The following SLC12A3 variants were observed in gnomAD, a reference collection of about 807,000 sequenced individuals.
SLC12A3 encodes the protein solute carrier family 12 member 3.
Under a neutral mutation model 121.0 loss-of-function variants are expected in SLC12A3, and 104 were observed. The observed-to-expected ratio is 0.86, with a 90% CI of 0.73 to 1.01. The LOEUF (loss-of-function observed/expected upper bound fraction) is 1.01, where lower values mean the gene tolerates loss of function less well. SLC12A3 is among the 50% of genes least tolerant of loss of function. The pLI is 0.00. For missense variants in SLC12A3, 1,328 were observed against 1,356.3 expected (o/e 0.98, Z 0.33); for synonymous variants, 536 against 533.4 (o/e 1.00, Z -0.07).
chr16:56,877,692 G>A lies in SLC12A3; in HGVS notation c.1096-385G>A, dbSNP rs927725396. Among the ~76,000 whole-genome samples the A allele has an allele frequency of 6.6e-5, 10 of 152,288 alleles. No homozygotes were observed. The East Asian group carries it at 1.5e-3, about 24-fold the overall frequency. ...CAGCTGGCCGCCTGGAAGTGAACCCGGGCAGGCCGACTCCAGAGCCCACCA... is the reference window on the plus strand; with the variant it reads ...CAGCTGGCCGCCTGGAAGTGAACCCAGGCAGGCCGACTCCAGAGCCCACCA... On this transcript the variant is annotated intron_variant, in intron 8 of 25. Transcript: ENST00000563236.
At chr16:56,909,072 T>C (rs1415307521) in intron 25 of SLC12A3, among the ~76,000 whole-genome samples, 1 of 152,228 alleles carries the variant, frequency 6.6e-6, no homozygotes, top group Non-Finnish European at 1.5e-5. Context: ...ATTTCCAAGA[T>C]TCTCTTTCAT....
chr16:56,881,075 A>G (rs566336263), intron 12 of SLC12A3, among the ~76,000 whole-genome samples: 2 of 152,310 alleles, frequency 1.3e-5, no homozygotes, highest in African/African-American at 4.8e-5. Flanking sequence ...CACACCAAGC[A>G]CGGGCAGTGG....
rs1158199707 is a variant in SLC12A3 at position 56,908,836 on chromosome 16, G to C, written c.2924+4374G>C. ...GGGTGAGCGCTGGGTCCGAGCGCAAGACAGTGGAAATGGCTTTGTCCTGGG... is the reference window on the plus strand; with the variant it reads ...GGGTGAGCGCTGGGTCCGAGCGCAACACAGTGGAAATGGCTTTGTCCTGGG... On this transcript the variant is annotated intron_variant, in intron 25 of 25. Transcript: ENST00000563236. 2.6e-5 allele frequency among the ~76,000 whole-genome samples: 4 copies of C among 152,372 alleles called. No individual in the cohort carries two copies. In the East Asian group the frequency reaches 7.7e-4, roughly 29 times the overall value.
At position 56,887,293 on chromosome 16, in the gene SLC12A3, C is replaced by T. The variant is rs1264939633; in HGVS notation, c.2178+200C>T. Among the ~76,000 whole-genome samples, 6 of 152,078 alleles carry T rather than the reference C, an allele frequency of 3.9e-5. No individual in the cohort carries two copies. In the East Asian group the frequency reaches 1.2e-3, roughly 29 times the overall value. ...GTCAGCTCACTGCAATAACCTCCGC[C>T]TCCCGGGTTCAAGTGATTCTCCTGC... On this transcript the variant is annotated intron_variant, in intron 17 of 25. Transcript: ENST00000563236.
In SLC12A3 at chr16:56,899,542, G is replaced by A. The variant is rs764749297; in HGVS notation, c.2646G>A (p.Leu882=). Residue 882 remains leucine (L), a synonymous_variant, in exon 23 of 26, where the codon CTG becomes CTA. Coordinates refer to ENST00000563236, the MANE Select transcript of SLC12A3 (RefSeq NM_001126108.2). The part of the protein sequence containing the change: ...MDQERKAIIS[L]LSKFRLGFHE... Reference sequence around the variant, plus strand: ...ATGTGTCCTCCAGGATCATTTCTCTGCTGAGCAAGTTCCGACTGGGATTCC... The same window carrying A: ...ATGTGTCCTCCAGGATCATTTCTCTACTGAGCAAGTTCCGACTGGGATTCC... 1 of 1,613,708 alleles carries A rather than the reference G, an allele frequency of 6.2e-7. No individual in the cohort carries two copies. The highest frequency in any genetic ancestry group is 8.5e-7 in the Non-Finnish European group (1 of 1,179,614).
chr16:56,897,089 C>T (rs1490968324), intron 22 of SLC12A3, among the ~76,000 whole-genome samples: 1 of 127,578 alleles, frequency 7.8e-6, no homozygotes, highest in Non-Finnish European at 1.5e-5. Flanking sequence ...AAGACTCCAT[C>T]TCAAAAAAAA....
At chr16:56,873,023 C>A (rs1261430700) in intron 8 of SLC12A3, among the ~76,000 whole-genome samples, 1 of 150,072 alleles carries the variant, frequency 6.7e-6, no homozygotes, top group Non-Finnish European at 1.5e-5. Flanking sequence ...GGCTAGGTTC[C>A]TCCCTAGTTC....
chr16:56,878,037 T>TCCCTCCCTCCCTCCCTCCCTCTCG, intron 8 of SLC12A3, 40 bp from the exon 9 acceptor site: 1 of 421,396 alleles, frequency 2.4e-6, no homozygotes, highest in Admixed American at 3.2e-5. Context: ...CCTCCCTCTC[T>TCCCTCCCTCCCTCCCTCCCTCTCG]CCCTCCCTCC....
rs544706063 is a variant in SLC12A3 at position 56,894,446 on chromosome 16, C to T, written c.2522-85C>T. 2.4e-5 allele frequency: 22 copies of T among 935,442 alleles called. No homozygotes were observed. In the African/African-American group the frequency reaches 3.6e-4, roughly 15 times the overall value. 57.9% of individuals were successfully genotyped at this position (935,442 alleles called of 1,614,324 possible). On this transcript the variant is annotated intron_variant, in intron 21 of 25. Transcript: ENST00000563236. ...TCCAGCGAGGAGAGGAAGGGGTTTG[C>T]TAATGGCAGAGCGGGGCAGGAACTC...
chr16:56,882,185 T>C (rs1208300869), intron 12 of SLC12A3, among the ~76,000 whole-genome samples: 2 of 152,170 alleles, frequency 1.3e-5, no homozygotes, highest in African/African-American at 2.4e-5. Flanking sequence ...AGCTGGGCGC[T>C]TACAGTTTAC....
intron 8 of SLC12A3, among the ~76,000 whole-genome samples, chr16:56,877,840 C>T (rs1180123591): frequency 7.2e-5 from 11 of 152,218 alleles, no homozygotes; most frequent in African/African-American, 2.7e-4. Flanking sequence ...GTGGAGTCTC[C>T]GACCCGTGAT....
intron 21 of SLC12A3, among the ~76,000 whole-genome samples, chr16:56,893,264 A>G (rs1319799226): frequency 6.6e-6 from 1 of 152,236 alleles, no homozygotes; most frequent in Non-Finnish European, 1.5e-5. Flanking sequence ...TGAAGTCGCC[A>G]TGAGATGGAA....
In SLC12A3 at chr16:56,914,962, GA is replaced by G. The variant is rs1255563758; in HGVS notation, c.*1558del. On this transcript the variant is annotated 3_prime_UTR_variant, in exon 26 of 26. Coordinates refer to ENST00000563236, the MANE Select transcript of SLC12A3 (RefSeq NM_001126108.2). ...GGGGCTGGCAGGGAGGGGCTGTTAA[GA>G]GTGGGGTTGGAGGTGGGAGAGAAGC... 1.3e-5 allele frequency: 2 copies of G among 152,250 alleles called. No individual in the cohort carries two copies. Among genetic ancestry groups the G allele is most frequent in the African/African-American group, 4.8e-5 (2 of 41,336 alleles). 9.4% of individuals were successfully genotyped at this position (152,250 alleles called of 1,614,324 possible). A position where few individuals can be genotyped will look rare whatever the true frequency, so the allele number is the denominator to read the frequency against.
intron 25 of SLC12A3, among the ~76,000 whole-genome samples, chr16:56,912,729 A>G (rs2144791725): frequency 6.6e-6 from 1 of 152,302 alleles, no homozygotes; most frequent in South Asian, 2.1e-4. Flanking sequence ...CATAAATCAG[A>G]AGATGCTGTT....
rs772518189 is a variant in SLC12A3, at chr16:56,868,281, C to A, written c.430-16C>A. On this transcript the variant is annotated splice_polypyrimidine_tract_variant and intron_variant, in intron 2 of 25. Coordinates refer to ENST00000563236, the MANE Select transcript of SLC12A3 (RefSeq NM_001126108.2). ...GGTGTCCACCCAGGTGGCCTCTGAC[C>A]CCCCTGTCCTCCCAGATTCGTTGCA... 6.8e-6 allele frequency: 11 copies of A among 1,613,446 alleles called. No homozygotes were observed. The highest frequency in any genetic ancestry group is 1.7e-5 in the Admixed American group (1 of 59,962).
chr16:56,870,490 G>A (rs997402888), intron 5 of SLC12A3, 136 bp from the exon 6 acceptor site: 6 of 769,582 alleles, frequency 7.8e-6, no homozygotes, highest in Admixed American at 2.0e-5. Context: ...TTGGGGACTC[G>A]ATGGCAGGGG....
chr16:56,880,953 A>G (rs1210661940), intron 12 of SLC12A3, among the ~76,000 whole-genome samples: 1 of 152,266 alleles, frequency 6.6e-6, no homozygotes, highest in African/African-American at 2.4e-5. Context: ...ACCTACATGC[A>G]TTCATATATG....
intron 22 of SLC12A3, among the ~76,000 whole-genome samples, chr16:56,899,011 G>A (rs1339668047): frequency 1.3e-5 from 2 of 152,152 alleles, no homozygotes; most frequent in Admixed American, 6.5e-5. Context: ...TTTGGGGTGC[G>A]CTAGTACAGA....
At chr16:56,873,388 T>C (rs1371649398) in intron 8 of SLC12A3, among the ~76,000 whole-genome samples, 10 of 125,912 alleles carry the variant, frequency 7.9e-5, no homozygotes, top group Admixed American at 6.5e-4. Context: ...TTTTTTTTTT[T>C]TTTTTTTTTT....
Sources: allele counts gnomAD v4.1 joint callset (sites outside exome capture counted in the v4.1 genomes callset), GRCh38; gene constraint gnomAD v4.1.1; transcripts MANE v1.5; gene names NCBI Gene and HGNC (gene_info 2026-07-23, HGNC 2026-07-21).